ATF7: variants seen among roughly 807,000 people sequenced by gnomAD.
ATF7 encodes the protein activating transcription factor 7.
A neutral mutation model predicts 50.4 loss-of-function variants in ATF7; 10 were observed. The ratio of observed to expected loss-of-function variants is 0.20; its 90% CI spans 0.12 to 0.34. ATF7 has a LOEUF of 0.34. ATF7 is among the 10% of genes least tolerant of loss of function. The pLI is 1.00. For missense variants in ATF7, 465 were observed against 613.9 expected (o/e 0.76, Z 2.56); for synonymous variants, 201 against 226.4 (o/e 0.89, Z 1.01).
At position 53,599,249 on chromosome 12, in the gene ATF7, A is replaced by G. The variant is rs1167750944; in HGVS notation, c.48+1704T>C. On this transcript the variant is annotated intron_variant, in intron 2 of 11. Coordinates refer to ENST00000420353, the MANE Select transcript of ATF7 (RefSeq NM_006856.3). ...AAGACAGGGTCTCACTATATTGTCC[A>G]GGCTGGTCTCAAACTCCTGAGCTCA... is the stretch of plus-strand genomic sequence containing the variant. 2.6e-5 allele frequency among the ~76,000 whole-genome samples: 4 copies of G among 151,672 alleles called. No individual in the cohort carries two copies. In the South Asian group the frequency reaches 6.2e-4, roughly 24 times the overall value.
chr12:53,615,384 A>G (rs1457538434), intron 1 of ATF7, among the ~76,000 whole-genome samples: 1 of 151,966 alleles, frequency 6.6e-6, no homozygotes, highest in Non-Finnish European at 1.5e-5. Flanking sequence ...ACTCTGTCTC[A>G]AAAAAAAGAA....
intron 4 of ATF7, among the ~76,000 whole-genome samples, chr12:53,539,175 T>C (rs1404259835): frequency 6.6e-6 from 1 of 152,204 alleles, no homozygotes; most frequent in Non-Finnish European, 1.5e-5. Flanking sequence ...GGGCTGACTA[T>C]AAACTAGTCT....
Position 53,543,427 on chromosome 12 carries a change from C to T in ATF7, c.167G>A (p.Arg56Lys). ...CACCTCCTCACAGTTCTTCAGGAAT[C>T]TAGTTGGAGTAGGCGTTTGATCTGT... ...IIADQTPTPT[R>K]FLKNCEEVGL... is the part of the protein sequence containing the mutation. The change falls in exon 4 of 12, where the codon AGA becomes AAA. Residue 56 changes from arginine (R) to lysine (K), a missense_variant. Coordinates refer to ENST00000420353, the MANE Select transcript of ATF7 (RefSeq NM_006856.3). 6.3e-7 allele frequency: 1 copy of T among 1,599,112 alleles called. No individual in the cohort carries two copies. Among genetic ancestry groups the T allele is most frequent in the African/African-American group, 1.3e-5 (1 of 74,854 alleles).
chr12:53,549,844 A>G (rs529781528), intron 3 of ATF7, among the ~76,000 whole-genome samples: 1 of 152,022 alleles, frequency 6.6e-6, no homozygotes, highest in Middle Eastern at 3.4e-3. Flanking sequence ...TCAGCCTCCC[A>G]AAGTGCTGGA....
chr12:53,594,316 ATCT>A, intron 2 of ATF7, among the ~76,000 whole-genome samples: 1 of 152,216 alleles, frequency 6.6e-6, no homozygotes, highest in East Asian at 1.9e-4. Flanking sequence ...ATTAAGTTAT[ATCT>A]AAGGAAAACA....
At chr12:53,532,460 C>T (rs746672989) in intron 8 of ATF7, 50 bp downstream of exon 8, 3 of 1,429,120 alleles carry the variant, frequency 2.1e-6, no homozygotes, top group Admixed American at 2.0e-5. Flanking sequence ...GCTGGTATCA[C>T]CCACTTCTTT....
At chr12:53,598,200 T>C (rs921089629) in intron 2 of ATF7, among the ~76,000 whole-genome samples, 7 of 152,188 alleles carry the variant, frequency 4.6e-5, no homozygotes, top group Non-Finnish European at 8.8e-5. Context: ...CTTGTAGAGA[T>C]CCCAATCTAG....
chr12:53,556,908 ATAGCTAAAATTAT>A (rs1940793251), intron 2 of ATF7, among the ~76,000 whole-genome samples: 1 of 152,194 alleles, frequency 6.6e-6, no homozygotes, highest in Non-Finnish European at 1.5e-5. Context: ...CTCAATTAAA[ATAGCTAAAATTAT>A]TATCATAGTA....
chr12:53,615,072 G>A (rs1302708442), intron 1 of ATF7, among the ~76,000 whole-genome samples: 2 of 149,410 alleles, frequency 1.3e-5, no homozygotes, highest in Non-Finnish European at 3.0e-5. Flanking sequence ...ACGGCAAGAC[G>A]CCATCTCAAA....
chr12:53,572,950 TA>T (rs1941854605), intron 2 of ATF7, among the ~76,000 whole-genome samples: 2 of 151,924 alleles, frequency 1.3e-5, no homozygotes, highest in Non-Finnish European at 2.9e-5. Context: ...CACACCCAGC[TA>T]ATTTTGTGTT....
chr12:53,555,081 AG>A (rs1202552393), intron 2 of ATF7, among the ~76,000 whole-genome samples: 4 of 152,010 alleles, frequency 2.6e-5, no homozygotes, highest in Non-Finnish European at 5.9e-5. Flanking sequence ...CAGCACTGGG[AG>A]GCTGAGGCAG....
intron 2 of ATF7, among the ~76,000 whole-genome samples, chr12:53,554,870 GAAA>G (rs61675595): frequency 7.9e-5 from 6 of 76,046 alleles, no homozygotes; most frequent in African/African-American, 2.5e-4. Context: ...CTCAAAAAAA[GAAA>G]AAAAAAAAAA....
intron 1 of ATF7, among the ~76,000 whole-genome samples, chr12:53,625,588 C>T (rs1166689824): frequency 6.6e-6 from 1 of 152,192 alleles, no homozygotes; most frequent in South Asian, 2.1e-4. Context: ...TCCATACTTT[C>T]TCTCTGATAT....
At chr12:53,605,716 G>A (rs550938456) in intron 1 of ATF7, among the ~76,000 whole-genome samples, 1 of 152,324 alleles carries the variant, frequency 6.6e-6, no homozygotes, top group South Asian at 2.1e-4. Context: ...GTGACTGGGT[G>A]AGGGTTATTT....
intron 1 of ATF7, among the ~76,000 whole-genome samples, chr12:53,606,874 C>T (rs980937597): frequency 1.4e-4 from 22 of 151,990 alleles, no homozygotes; most frequent in Non-Finnish European, 3.2e-4. Context: ...TCATCCATGT[C>T]CCTACAAAGG....
At chr12:53,566,170 G>T (rs141501313) in intron 2 of ATF7, among the ~76,000 whole-genome samples, 59 of 152,268 alleles carry the variant, frequency 3.9e-4, no homozygotes, top group African/African-American at 1.3e-3. Context: ...AATTCAAGGT[G>T]AGATTTAGGA....
chr12:53,581,111 C>CA (rs111501520), intron 2 of ATF7, among the ~76,000 whole-genome samples: 3,604 of 137,100 alleles, frequency 0.026, 70 homozygotes, highest in Middle Eastern at 0.08. Context: ...GATTCCATCT[C>CA]AAAAAAAAAA....
intron 1 of ATF7, among the ~76,000 whole-genome samples, chr12:53,601,913 A>G (rs1943424362): frequency 6.6e-6 from 1 of 152,166 alleles, no homozygotes; most frequent in Admixed American, 6.5e-5. Flanking sequence ...CCGTTTTATA[A>G]ATTATTGAAG....
chr12:53,538,405 T>C (rs1350649544), intron 4 of ATF7, among the ~76,000 whole-genome samples: 1 of 152,126 alleles, frequency 6.6e-6, no homozygotes, highest in Non-Finnish European at 1.5e-5. Flanking sequence ...GCTGGATGTA[T>C]CAGGTAGACA....
Sources: allele counts gnomAD v4.1 joint callset (sites outside exome capture counted in the v4.1 genomes callset), GRCh38; gene constraint gnomAD v4.1.1; transcripts MANE v1.5; gene names NCBI Gene and HGNC (gene_info 2026-07-23, HGNC 2026-07-21).